Variants in LYPD6 observed in about 807,000 individuals in gnomAD.
The protein encoded by LYPD6 is LY6/PLAUR domain containing 6.
In LYPD6, 15 loss-of-function variants were observed where a neutral mutation model predicts 22.7. The observed-to-expected ratio is 0.66, with a 90% CI of 0.44 to 1.02. The LOEUF is 1.02. Among genes scored for constraint, LYPD6 ranks in the 50% least tolerant of loss-of-function variants. LYPD6 has a pLI of 0.00. For synonymous variants in LYPD6, 72 were observed against 77.5 expected, an observed-to-expected ratio of 0.93 and a Z score of 0.37; for missense variants, 189 against 208.4, an observed-to-expected ratio of 0.91 and a Z score of 0.57.
the LYPD6 span, among the ~76,000 whole-genome samples, chr2:149,480,992 G>A: frequency 6.6e-6 from 1 of 152,156 alleles, no homozygotes; most frequent in African/African-American, 2.4e-5. Flanking sequence ...CTCTGTTCAA[G>A]CCTGCATCTG....
intron 1 of LYPD6, among the ~76,000 whole-genome samples, chr2:149,373,187 A>G (rs550922601): frequency 6.6e-6 from 1 of 152,248 alleles, no homozygotes; most frequent in East Asian, 1.9e-4. Flanking sequence ...CAGGAGTCCT[A>G]TAGGAGCAGT....
At chr2:149,335,238 G>A (rs940715061) in intron 1 of LYPD6, among the ~76,000 whole-genome samples, 2 of 152,056 alleles carry the variant, frequency 1.3e-5, no homozygotes, top group African/African-American at 2.4e-5. Flanking sequence ...CTCCATGCGT[G>A]TTATTGCCCC....
At chr2:149,342,896 A>G (rs1681188425) in intron 1 of LYPD6, among the ~76,000 whole-genome samples, 1 of 152,208 alleles carries the variant, frequency 6.6e-6, no homozygotes, top group Non-Finnish European at 1.5e-5. Context: ...TGAACCAGGC[A>G]AGCAAAAATC....
chr2:149,481,890 CT>C, the LYPD6 span, among the ~76,000 whole-genome samples: 4 of 152,166 alleles, frequency 2.6e-5, no homozygotes, highest in African/African-American at 9.6e-5. Context: ...ATGGTTAAGA[CT>C]ATATATGTTA....
At chr2:149,403,828 A>G (rs1158093642) in intron 1 of LYPD6, among the ~76,000 whole-genome samples, 4 of 152,132 alleles carry the variant, frequency 2.6e-5, no homozygotes, top group Non-Finnish European at 5.9e-5. Flanking sequence ...CCTGAATGGT[A>G]ATGCCTAGGT....
intron 1 of LYPD6, among the ~76,000 whole-genome samples, chr2:149,414,671 C>T (rs1460334829): frequency 6.6e-6 from 1 of 152,134 alleles, no homozygotes; most frequent in Non-Finnish European, 1.5e-5. Context: ...GAAAATACTT[C>T]TTGAATAAGA....
chr2:149,338,177 G>A (rs1681096061), intron 1 of LYPD6, among the ~76,000 whole-genome samples: 1 of 152,114 alleles, frequency 6.6e-6, no homozygotes, highest in African/African-American at 2.4e-5. Flanking sequence ...CCCAATAATG[G>A]GATTGCTGGG....
intron 1 of LYPD6, among the ~76,000 whole-genome samples, chr2:149,410,504 A>C (rs1302222001): frequency 6.6e-6 from 1 of 152,198 alleles, no homozygotes; most frequent in Non-Finnish European, 1.5e-5. Flanking sequence ...CCCCTCAGGG[A>C]TGTTGGAAAA....
At chr2:149,338,019 C>T (rs910149898) in intron 1 of LYPD6, among the ~76,000 whole-genome samples, 2 of 151,942 alleles carry the variant, frequency 1.3e-5, no homozygotes, top group Non-Finnish European at 2.9e-5. Flanking sequence ...TTTTTTTAAT[C>T]CAGTTTACTG....
At chr2:149,348,833 G>T (rs1441012292) in intron 1 of LYPD6, among the ~76,000 whole-genome samples, 3 of 152,144 alleles carry the variant, frequency 2.0e-5, no homozygotes, top group African/African-American at 7.2e-5. Flanking sequence ...CTAAATAAGA[G>T]GCTGTTGTAG....
At chr2:149,410,330 C>A (rs187662334) in intron 1 of LYPD6, among the ~76,000 whole-genome samples, 1 of 151,630 alleles carries the variant, frequency 6.6e-6, no homozygotes, top group Non-Finnish European at 1.5e-5. Flanking sequence ...TGCCAGTATA[C>A]GTGAATATTT....
rs758842443 is a variant in LYPD6, at chr2:149,468,722, C to T, written c.295C>T (p.Leu99=). Residue 99 remains leucine, a synonymous_variant, in exon 4 of 5, where the codon CTG becomes TTG. Transcript: ENST00000334166. The part of the protein sequence containing the change: ...SISVTKRCVP[L]EECLSTGCRD... The stretch of plus-strand genomic sequence containing the variant: ...CTCAGTCACCAAACGCTGTGTCCCA[C>T]TGGAAGAGTGCTTATCCACTGGCTG... 8 of 1,613,734 alleles carry T rather than the reference C, an allele frequency of 5.0e-6. No homozygotes were observed. In the South Asian group the frequency reaches 7.7e-5, roughly 16 times the overall value.
intron 1 of LYPD6, among the ~76,000 whole-genome samples, chr2:149,411,185 T>A (rs1320710622): frequency 1.3e-5 from 2 of 152,192 alleles, no homozygotes; most frequent in Non-Finnish European, 2.9e-5. Flanking sequence ...CAGTCTGTTT[T>A]AACAAGCCTT....
intron 1 of LYPD6, among the ~76,000 whole-genome samples, chr2:149,407,154 C>A (rs997071156): frequency 5.3e-5 from 8 of 152,220 alleles, no homozygotes; most frequent in African/African-American, 1.7e-4. Context: ...TTCTCTCTGG[C>A]TGCCCTTAAC....
At chr2:149,413,023 A>C (rs550707728) in intron 1 of LYPD6, among the ~76,000 whole-genome samples, 1 of 152,076 alleles carries the variant, frequency 6.6e-6, no homozygotes, top group Non-Finnish European at 1.5e-5. Context: ...CCGAATTTCT[A>C]TTGTTTTTGA....
intron 1 of LYPD6, among the ~76,000 whole-genome samples, chr2:149,371,873 A>G (rs1681817912): frequency 6.6e-6 from 1 of 152,032 alleles, no homozygotes; most frequent in African/African-American, 2.4e-5. Context: ...TAGGCCTAGA[A>G]ATTCTCTGCT....
intron 2 of LYPD6, among the ~76,000 whole-genome samples, chr2:149,448,750 C>T (rs1035590393): frequency 2.6e-5 from 4 of 152,246 alleles, no homozygotes; most frequent in East Asian, 3.9e-4. Flanking sequence ...TATGGATGTC[C>T]AACAGTTTGT....
chr2:149,411,268 A>G (rs1682844004), intron 1 of LYPD6, among the ~76,000 whole-genome samples: 1 of 152,082 alleles, frequency 6.6e-6, no homozygotes. Context: ...CTTGCATAAC[A>G]TCTCAGAATT....
At chr2:149,476,433 C>T (rs770814358), downstream of LYPD6, among the ~76,000 whole-genome samples, 1 of 152,066 alleles carries the variant, frequency 6.6e-6, no homozygotes, top group African/African-American at 2.4e-5. Flanking sequence ...GTAGTTTTCT[C>T]GGGGTTTATG....
Sources: allele counts gnomAD v4.1 joint callset (sites outside exome capture counted in the v4.1 genomes callset), GRCh38; gene constraint gnomAD v4.1.1; transcripts MANE v1.5; gene names NCBI Gene and HGNC (gene_info 2026-07-23, HGNC 2026-07-21).